Variants in ALOX15B observed in about 807,000 individuals in gnomAD.
ALOX15B encodes the protein polyunsaturated fatty acid lipoxygenase ALOX15B.
ALOX15B carries 74 observed loss-of-function variants against 73.8 expected under a neutral mutation model. The observed-to-expected ratio is 1.00, with a 90% confidence interval of 0.83 to 1.22. ALOX15B has a LOEUF of 1.22. Ranked by LOEUF, ALOX15B falls within the 50% of genes most tolerant of loss-of-function variation. The pLI is 0.00. For missense variants in ALOX15B, 896 were observed against 859.9 expected (o/e 1.04, Z -0.52); for synonymous variants, 353 against 357.2 (o/e 0.99, Z 0.13).
In ALOX15B at chr17:8,046,738, G is replaced by A; in HGVS notation, c.1271G>A (p.Gly424Glu). ...GCCCGGGAGCTGCTTATCGTGCCAG[G>A]GCAGGTGGTGGACAGGGTGAGAGCT... ...TLARELLIVP[G>E]QVVDRSTGIG... The change falls in exon 9 of 14, where the codon GGG (glycine) becomes GAG (glutamate). Residue 424 changes from glycine (G) to glutamate (E), a missense_variant. By Grantham distance (98) the Gly-to-Glu change is moderately conservative. Transcript: ENST00000380183. 2 of 1,613,924 alleles carry A rather than the reference G, an allele frequency of 1.2e-6. No homozygotes were observed. Among genetic ancestry groups the A allele is most frequent in the Non-Finnish European group, 1.7e-6 (2 of 1,179,956 alleles).
intron 8 of ALOX15B, 111 bp from the exon 9 acceptor site, chr17:8,046,557 T>G: frequency 6.2e-6 from 7 of 1,129,036 alleles, no homozygotes; most frequent in East Asian, 2.6e-5. Context: ...CCTCCTCTCA[T>G]TCTTGTTGCC....
At chr17:8,048,042 T>C in intron 13 of ALOX15B, 127 bp downstream of exon 13, 1 of 1,126,824 alleles carries the variant, frequency 8.9e-7, no homozygotes, top group Non-Finnish European at 1.2e-6. Context: ...GACCCTCCAG[T>C]GGGACACATG....
chr17:8,043,580 G>T (rs1338530105), intron 5 of ALOX15B, among the ~76,000 whole-genome samples: 2 of 152,226 alleles, frequency 1.3e-5, no homozygotes, highest in African/African-American at 2.4e-5. Context: ...GCCAGCAGGG[G>T]AATAATGTGG....
rs768290223 is a variant in ALOX15B at position 8,048,405 on chromosome 17, C to T, written c.1871C>T (p.Pro624Leu). 5.3e-5 allele frequency: 86 copies of T among 1,613,074 alleles called. No individual in the cohort carries two copies. Among genetic ancestry groups the T allele is most frequent in the Non-Finnish European group, 6.2e-5 (73 of 1,179,522 alleles). Residue 624 changes from proline to leucine, a missense_variant, in exon 14 of 14, where the codon CCG becomes CTG. Coordinates refer to ENST00000380183, the MANE Select transcript of ALOX15B (RefSeq NM_001141.3). Reference sequence around the variant, plus strand: ...CCTCAGAGGCCCCTGGGCACCTATCCGGATGAGCACTTCACAGAGGAGGCC... The same window carrying T: ...CCTCAGAGGCCCCTGGGCACCTATCTGGATGAGCACTTCACAGAGGAGGCC... The part of the protein sequence containing the change: ...PGDQRPLGTY[P>L]DEHFTEEAPR...
In ALOX15B at chr17:8,039,551, C is replaced by G; in HGVS notation, c.313C>G (p.Pro105Ala). 2 of 1,541,910 alleles carry G rather than the reference C, an allele frequency of 1.3e-6. No homozygotes were observed. The highest frequency in any genetic ancestry group is 1.7e-6 in the Non-Finnish European group (2 of 1,148,494). The change falls in exon 2 of 14, where the codon CCC becomes GCC. Residue 105 changes from proline to alanine, a missense_variant. By Grantham distance (27) the Pro-to-Ala change is conservative (BLOSUM62 -1). Coordinates refer to ENST00000380183, the MANE Select transcript of ALOX15B (RefSeq NM_001141.3). ...TPPRGGHLLF[P>A]CYQWLEGAGT... ...GCCGCGGGGCGGCCACCTCCTCTTC[C>G]CCTGCTACCAGTGGCTGGAGGGGGC...
At chr17:8,045,809 C>T in intron 8 of ALOX15B, 123 bp downstream of exon 8, 1 of 1,066,436 alleles carries the variant, frequency 9.4e-7, no homozygotes, top group Non-Finnish European at 1.4e-6. Context: ...GCTTCAGCAG[C>T]ATCTCCTGGC....
chr17:8,047,947 AAAT>A (rs1467588290), intron 13 of ALOX15B, 32 bp downstream of exon 13: 2 of 1,608,680 alleles, frequency 1.2e-6, no homozygotes, highest in Non-Finnish European at 8.5e-7. Flanking sequence ...AGGCTGGGCC[AAAT>A]TGGGGTAAGA....
rs1003734673 is a variant in ALOX15B at position 8,045,266 on chromosome 17, G to A, written c.878G>A (p.Gly293Asp). The stretch of plus-strand genomic sequence containing the variant: ...GGCTCCCTGTTCTTGGTGGATCACG[G>A]CATCCTCTCTGGCATCCAGACCAAT... The part of the protein sequence containing the change: ...EKGSLFLVDH[G>D]ILSGIQTNVI... The change falls in exon 7 of 14, where the codon GGC (glycine) becomes GAC (aspartate). Residue 293 changes from glycine (G) to aspartate (D), a missense_variant. Transcript: ENST00000380183. 6.2e-7 allele frequency: 1 copy of A among 1,614,034 alleles called. No individual in the cohort carries two copies. The highest frequency in any genetic ancestry group is 1.3e-5 in the African/African-American group (1 of 74,996).
At chr17:8,045,028 G>T in intron 6 of ALOX15B, 27 bp downstream of exon 6, 1 of 1,612,962 alleles carries the variant, frequency 6.2e-7, no homozygotes, top group South Asian at 1.1e-5. Flanking sequence ...TCTTGGCTCT[G>T]CACAGTCCCA....
intron 5 of ALOX15B, among the ~76,000 whole-genome samples, chr17:8,043,390 A>G (rs57621960): frequency 0.027 from 4,071 of 152,272 alleles, 185 homozygotes; most frequent in African/African-American, 0.093. Flanking sequence ...GTGAGTGTGA[A>G]GGCCCTGAAG....
intron 10 of ALOX15B, 85 bp downstream of exon 10, chr17:8,047,161 G>A (rs1001598704): frequency 3.1e-5 from 50 of 1,607,028 alleles, no homozygotes; most frequent in Middle Eastern, 1.7e-4. Flanking sequence ...GGAGGCTCAC[G>A]TTGAGGAGGA....
rs767753128 is a variant in ALOX15B, at chr17:8,048,512, C to T, written c.1978C>T (p.Leu660=). 1 of 1,614,116 alleles carries T rather than the reference C, an allele frequency of 6.2e-7. No individual in the cohort carries two copies. The highest frequency in any genetic ancestry group is 2.2e-5 in the East Asian group (1 of 44,872). ...CCAGGAGCGGAACCAGGGCCTGGTG[C>T]TGCCCTACACCTACCTAGACCCTCC... ...GIQERNQGLV[L]PYTYLDPPLI... is the part of the protein sequence containing the mutation. Residue 660 remains leucine, a synonymous_variant, in exon 14 of 14, where the codon CTG becomes TTG. Coordinates refer to ENST00000380183, the MANE Select transcript of ALOX15B (RefSeq NM_001141.3).
chr17:8,039,507 G>T lies in ALOX15B; in HGVS notation c.269G>T (p.Arg90Leu), dbSNP rs1249542546. Residue 90 changes from arginine to leucine, a missense_variant, in exon 2 of 14, where the codon CGC becomes CTC. Coordinates refer to ENST00000380183, the MANE Select transcript of ALOX15B (RefSeq NM_001141.3). ...CTGGCCCCGGATGCCTGGTTCTGCC[G>T]CTGGTTCCAGCTGACACCGCCGCGG... is the stretch of plus-strand genomic sequence containing the variant. ...GPLAPDAWFC[R>L]WFQLTPPRGG... 1.9e-6 allele frequency: 3 copies of T among 1,565,142 alleles called. No individual in the cohort carries two copies. Among genetic ancestry groups the T allele is most frequent in the African/African-American group, 2.7e-5 (2 of 73,544 alleles).
chr17:8,045,931 C>T (rs1262808910), intron 8 of ALOX15B, among the ~76,000 whole-genome samples: 1 of 150,792 alleles, frequency 6.6e-6, no homozygotes, highest in East Asian at 2.0e-4. Flanking sequence ...CATAGAAGCC[C>T]AAATCTTAGG....
intron 6 of ALOX15B, 97 bp from the exon 7 acceptor site, chr17:8,045,141 A>C: frequency 6.3e-7 from 1 of 1,596,718 alleles, no homozygotes; most frequent in Admixed American, 1.7e-5. Flanking sequence ...CTCCCGAAAC[A>C]CACTCCTCTC....
intron 1 of ALOX15B, 22 bp from the exon 2 acceptor site, chr17:8,039,364 C>T (rs771016636): frequency 1.2e-6 from 2 of 1,606,290 alleles, no homozygotes; most frequent in East Asian, 2.2e-5. Context: ...TCCGGCCTGA[C>T]GCATACTTAA....
chr17:8,048,650 G>A lies in ALOX15B; in HGVS notation c.*85G>A. Reference sequence around the variant, plus strand: ...GGCACCCAGAGAAAAGGACTCCTCAGAAAAAACAGGCCCCCATGTGCCTCT... The same window carrying A: ...GGCACCCAGAGAAAAGGACTCCTCAAAAAAAACAGGCCCCCATGTGCCTCT... On this transcript the variant is annotated 3_prime_UTR_variant, in exon 14 of 14. Transcript: ENST00000380183. 1 of 1,465,088 alleles carries A rather than the reference G, an allele frequency of 6.8e-7. No individual in the cohort carries two copies. Among genetic ancestry groups the A allele is most frequent in the Admixed American group, 2.2e-5 (1 of 45,236 alleles). 90.8% of individuals were successfully genotyped at this position (1,465,088 alleles called of 1,614,324 possible). A position where few individuals can be genotyped will look rare whatever the true frequency, so the allele number is the denominator to read the frequency against.
chr17:8,048,693 C>T lies in ALOX15B; in HGVS notation c.*128C>T, dbSNP rs1234821146. ...GTGCCTCTCCTGGGACAACCAGACTCTGTAACTCACCCCCACCACCATACA... is the reference window on the plus strand; with the variant it reads ...GTGCCTCTCCTGGGACAACCAGACTTTGTAACTCACCCCCACCACCATACA... On this transcript the variant is annotated 3_prime_UTR_variant, in exon 14 of 14. Coordinates refer to ENST00000380183, the MANE Select transcript of ALOX15B (RefSeq NM_001141.3). 13 of 988,638 alleles carry T rather than the reference C, an allele frequency of 1.3e-5. No homozygotes were observed. Among genetic ancestry groups the T allele is most frequent in the Admixed American group, 2.9e-5 (1 of 35,058 alleles). 61.2% of individuals were successfully genotyped at this position (988,638 alleles called of 1,614,324 possible).
intron 13 of ALOX15B, among the ~76,000 whole-genome samples, chr17:8,048,174 C>T (rs1165060229): frequency 2.0e-5 from 3 of 152,214 alleles, no homozygotes; most frequent in African/African-American, 7.2e-5. Flanking sequence ...TTTCATTCCC[C>T]GAAAGCTTCC....
Sources: gnomAD v4.1 joint callset for allele counts (sites outside exome capture counted in the v4.1 genomes callset) on GRCh38, gnomAD v4.1.1 for gene constraint, MANE v1.5 for transcripts, NCBI Gene and HGNC (gene_info 2026-07-23, HGNC 2026-07-21) for gene names.